The following WWOX variants were observed in gnomAD, a reference collection of about 807,000 sequenced individuals.
The protein encoded by WWOX is WW domain-containing oxidoreductase.
WWOX carries 69 observed loss-of-function variants against 46.2 expected under a neutral mutation model. The ratio of observed to expected loss-of-function variants is 1.49; its 90% CI spans 1.23 to 1.82. The LOEUF (loss-of-function observed/expected upper bound fraction) is 1.82. Ranked by LOEUF, WWOX falls within the 40% of genes most tolerant of loss-of-function variation. The pLI is 0.00. For missense variants in WWOX, 919 were observed against 542.6 expected, an observed-to-expected ratio of 1.69 and a Z score of -6.89; for synonymous variants, 359 against 202.6, an observed-to-expected ratio of 1.77 and a Z score of -6.56.
chr16:79,025,804 C>CTTTTT (rs60681938), intron 8 of WWOX, among the ~76,000 whole-genome samples: 15 of 104,092 alleles, frequency 1.4e-4, no homozygotes, highest in Non-Finnish European at 7.3e-5. Flanking sequence ...TGCTTGCTTG[C>CTTTTT]TTTTTTTTTT....
intron 8 of WWOX, among the ~76,000 whole-genome samples, chr16:78,572,827 G>C (rs1363465694): frequency 6.6e-6 from 1 of 152,008 alleles, no homozygotes; most frequent in African/African-American, 2.4e-5. Flanking sequence ...CATGGCGAGA[G>C]ATACACAGGG....
chr16:78,570,850 A>G (rs1042803049), intron 8 of WWOX, among the ~76,000 whole-genome samples: 5 of 152,198 alleles, frequency 3.3e-5, no homozygotes, highest in African/African-American at 9.7e-5. Context: ...GGGCGGGGCA[A>G]GCTTTGGAAA....
At chr16:78,292,254 A>G (rs559591162) in intron 5 of WWOX, among the ~76,000 whole-genome samples, 32 of 152,230 alleles carry the variant, frequency 2.1e-4, no homozygotes, top group African/African-American at 7.5e-4. Flanking sequence ...GGCAACTCCT[A>G]TCCTAAGGCG....
intron 8 of WWOX, among the ~76,000 whole-genome samples, chr16:78,964,052 C>G (rs953901005): frequency 5.3e-5 from 8 of 152,162 alleles, no homozygotes; most frequent in Admixed American, 2.6e-4. Context: ...AACTGTAAGC[C>G]TGATTAAACC....
At chr16:78,566,079 T>C (rs951920285) in intron 8 of WWOX, among the ~76,000 whole-genome samples, 1 of 152,162 alleles carries the variant, frequency 6.6e-6, no homozygotes, top group African/African-American at 2.4e-5. Flanking sequence ...TGTGCCTGCC[T>C]GAGGCTCTCT....
At chr16:79,139,374 T>C (rs2150711898) in intron 8 of WWOX, among the ~76,000 whole-genome samples, 1 of 152,294 alleles carries the variant, frequency 6.6e-6, no homozygotes, top group Middle Eastern at 3.4e-3. Flanking sequence ...GTTCTCTTGG[T>C]TTTGCTTAAA....
At chr16:78,547,127 G>GAAAAAAAAAAAAAAAAAAAA (rs199726097) in intron 8 of WWOX, among the ~76,000 whole-genome samples, 3 of 87,516 alleles carry the variant, frequency 3.4e-5, no homozygotes, top group African/African-American at 2.1e-4. Context: ...CCTTGTCTCA[G>GAAAAAAAAAAAAAAAAAAAA]AAAAAAAAAA....
intron 5 of WWOX, among the ~76,000 whole-genome samples, chr16:78,222,063 G>T (rs1040120955): frequency 6.6e-6 from 1 of 152,096 alleles, no homozygotes; most frequent in Non-Finnish European, 1.5e-5. Context: ...TGTGGAATTC[G>T]CCTCAGATGC....
intron 8 of WWOX, among the ~76,000 whole-genome samples, chr16:78,476,908 C>T (rs766303880): frequency 1.3e-5 from 2 of 152,118 alleles, no homozygotes; most frequent in Admixed American, 6.6e-5. Flanking sequence ...TCTCTCCCCT[C>T]TCCCCCTTCT....
At chr16:78,374,839 C>T (rs948171846) in intron 5 of WWOX, among the ~76,000 whole-genome samples, 7 of 151,916 alleles carry the variant, frequency 4.6e-5, no homozygotes, top group Admixed American at 6.6e-5. Flanking sequence ...CACGAGTCTC[C>T]GCACCCGGCC....
chr16:78,541,872 C>T (rs1168413537), intron 8 of WWOX, among the ~76,000 whole-genome samples: 1 of 151,862 alleles, frequency 6.6e-6, no homozygotes, highest in Admixed American at 6.6e-5. Context: ...TGTGAACATA[C>T]GTTGCTTTTG....
At chr16:78,763,655 A>G (rs1306295485) in intron 8 of WWOX, among the ~76,000 whole-genome samples, 1 of 152,242 alleles carries the variant, frequency 6.6e-6, no homozygotes, top group Non-Finnish European at 1.5e-5. Context: ...CACCTAGTAC[A>G]GTGCCCTGAA....
In WWOX at chr16:78,932,056, G is replaced by A. The variant is rs533111643; in HGVS notation, c.1057-279552G>A. Among the ~76,000 whole-genome samples the A allele has an allele frequency of 3.3e-5, 5 of 152,344 alleles. No individual in the cohort carries two copies. The South Asian group carries it at 8.3e-4, about 25-fold the overall frequency. On this transcript the variant is annotated intron_variant, in intron 8 of 8. Coordinates refer to ENST00000566780, the MANE Select transcript of WWOX (RefSeq NM_016373.4). ...ATTGTGAGACTTTCCCAGCCATGTGGAACTGTGAGTCCGTTAAACCTCTTT... is the reference window on the plus strand; with the variant it reads ...ATTGTGAGACTTTCCCAGCCATGTGAAACTGTGAGTCCGTTAAACCTCTTT...
chr16:78,864,775 TTTTTTTTGA>T (rs1442730565), intron 8 of WWOX, among the ~76,000 whole-genome samples: 3 of 113,598 alleles, frequency 2.6e-5, no homozygotes, highest in Non-Finnish European at 5.5e-5. Flanking sequence ...TTTTTTTTTT[TTTTTTTTGA>T]GACAGTCTCA....
At chr16:78,887,468 AAC>A (rs78503110) in intron 8 of WWOX, among the ~76,000 whole-genome samples, 6,968 of 135,904 alleles carry the variant, frequency 0.051, 208 homozygotes, top group African/African-American at 0.091. Context: ...AAGTATATAA[AAC>A]ACACACACAC....
At chr16:78,431,576 T>G (rs2083218048) in intron 7 of WWOX, among the ~76,000 whole-genome samples, 1 of 152,130 alleles carries the variant, frequency 6.6e-6, no homozygotes, top group Non-Finnish European at 1.5e-5. Context: ...TCTTTGAACT[T>G]CCTGTTGAAG....
At chr16:78,928,879 C>T (rs1227138824) in intron 8 of WWOX, among the ~76,000 whole-genome samples, 1 of 152,140 alleles carries the variant, frequency 6.6e-6, no homozygotes. Context: ...TGTAGGCTTC[C>T]TTCGAGTTAA....
chr16:78,512,632 G>C (rs1242336136), intron 8 of WWOX, among the ~76,000 whole-genome samples: 1 of 152,158 alleles, frequency 6.6e-6, no homozygotes, highest in African/African-American at 2.4e-5. Flanking sequence ...GAGCCTTAAA[G>C]GATGAGAAAG....
intron 8 of WWOX, among the ~76,000 whole-genome samples, chr16:78,804,743 G>A (rs779537627): frequency 5.9e-5 from 9 of 152,048 alleles, no homozygotes; most frequent in Non-Finnish European, 1.0e-4. Flanking sequence ...TTAAAATGCT[G>A]TTTGTAGCAA....
Sources: gnomAD v4.1 joint callset for allele counts (sites outside exome capture counted in the v4.1 genomes callset) on GRCh38, gnomAD v4.1.1 for gene constraint, MANE v1.5 for transcripts, NCBI Gene and HGNC (gene_info 2026-07-23, HGNC 2026-07-21) for gene names.